The following MGAM variants were observed in gnomAD, a reference collection of about 807,000 sequenced individuals.
MGAM encodes alpha-1,4-glucosidase.
A neutral mutation model predicts 358.8 loss-of-function variants in MGAM; 253 were observed. That is an observed-to-expected ratio of 0.71 (90% CI 0.64 to 0.78). The LOEUF (loss-of-function observed/expected upper bound fraction) is 0.78, where lower values mean the gene tolerates loss of function less well. MGAM is among the 30% of genes least tolerant of loss of function. The pLI is 0.00. For synonymous variants in MGAM, 1,105 were observed against 1,227.1 expected, an observed-to-expected ratio of 0.90 and a Z score of 2.08; for missense variants, 3,080 against 3,432.6, an observed-to-expected ratio of 0.90 and a Z score of 2.57.
chr7:142,017,610 CTTTT>C (rs370181884), intron 3 of MGAM, among the ~76,000 whole-genome samples: 3 of 151,962 alleles, frequency 2.0e-5, no homozygotes, highest in African/African-American at 7.3e-5. Flanking sequence ...CTTTTCAACA[CTTTT>C]TTTTCTTTTT....
At chr7:142,035,794 A>T (rs1051662550) in intron 16 of MGAM, among the ~76,000 whole-genome samples, 7 of 152,294 alleles carry the variant, frequency 4.6e-5, no homozygotes, top group African/African-American at 1.7e-4. Context: ...GGTCAGACTT[A>T]GGCTTTAGAA....
At chr7:142,100,089 G>T (rs955520322) in intron 67 of MGAM, among the ~76,000 whole-genome samples, 2 of 152,132 alleles carry the variant, frequency 1.3e-5, no homozygotes, top group Non-Finnish European at 2.9e-5. Flanking sequence ...CTGAAAAATT[G>T]TTTATTCCTC....
rs1401524342 is a variant in MGAM, at chr7:142,076,231, A to T, written c.5304A>T (p.Leu1768Phe). ...CTGTGGCCAAGAAAGTATATCTTTT[A>T]TGTGAGTTTTCTGTCACTCAAGTGA... ...KDTVAKKVYL[L>F]CEFSVTQNHL... The change falls in exon 46 of 71, where the codon TTA becomes TTT. Residue 1768 changes from leucine to phenylalanine, a missense_variant. This residue lies in a region of MGAM where 932 missense variants were observed against 1,198.2 expected (regional missense o/e 0.78). Coordinates refer to ENST00000475668, the MANE Select transcript of MGAM (RefSeq NM_001365693.1). 6.5e-7 allele frequency: 1 copy of T among 1,546,998 alleles called. No homozygotes were observed. Among genetic ancestry groups the T allele is most frequent in the Non-Finnish European group, 8.9e-7 (1 of 1,126,994 alleles).
chr7:142,061,964 C>T (rs1179037774), intron 34 of MGAM, among the ~76,000 whole-genome samples: 1 of 152,080 alleles, frequency 6.6e-6, no homozygotes, highest in Non-Finnish European at 1.5e-5. Flanking sequence ...GGTAAAAACA[C>T]TGCTTTTATT....
chr7:142,083,168 A>T (rs1309432439), intron 52 of MGAM, 133 bp from the exon 53 acceptor site: 3 of 701,270 alleles, frequency 4.3e-6, no homozygotes, highest in Non-Finnish European at 6.9e-6. Flanking sequence ...GTTCTATGTG[A>T]TTATGATAGA....
chr7:142,039,208 T>G (rs930932455), intron 19 of MGAM, among the ~76,000 whole-genome samples: 5 of 149,832 alleles, frequency 3.3e-5, no homozygotes, highest in African/African-American at 9.9e-5. Flanking sequence ...TGGGTTCACA[T>G]GATTCTCCTG....
At chr7:142,097,690 A>G (rs1458130415) in intron 66 of MGAM, 41 bp downstream of exon 66, 2 of 1,559,294 alleles carry the variant, frequency 1.3e-6, no homozygotes, top group Admixed American at 1.7e-5. Context: ...GGAAAATGGT[A>G]GAGAGTACAA....
In MGAM at chr7:142,076,270, A is replaced by G; in HGVS notation, c.5325+18A>G. 6.6e-7 allele frequency: 1 copy of G among 1,518,122 alleles called. No individual in the cohort carries two copies. 94.0% of individuals were successfully genotyped at this position (1,518,122 alleles called of 1,614,324 possible). A position where few individuals can be genotyped will look rare whatever the true frequency, so the allele number is the denominator to read the frequency against. On this transcript the variant is annotated intron_variant, in intron 46 of 70. Transcript: ENST00000475668. ...TCACTCAAGTGAGTAGCATATTTTTATGAATCTTAGGTGTGGGCTTTGGAC... is the reference window on the plus strand; with the variant it reads ...TCACTCAAGTGAGTAGCATATTTTTGTGAATCTTAGGTGTGGGCTTTGGAC...
chr7:142,092,136 A>T lies in MGAM; in HGVS notation c.6945+89A>T, dbSNP rs1815445153. On this transcript the variant is annotated intron_variant, in intron 58 of 70. Coordinates refer to ENST00000475668, the MANE Select transcript of MGAM (RefSeq NM_001365693.1). ...GTACCACTGACCTTCAGTCAAGAGG[A>T]TAGTCATTGTCCAAGGAAGACTTTG... The T allele has an allele frequency of 6.2e-6, 9 of 1,457,972 alleles. 1 individual carries two copies. The highest frequency in any genetic ancestry group is 2.0e-4 in the Middle Eastern group (1 of 5,050). 90.3% of individuals were successfully genotyped at this position (1,457,972 alleles called of 1,614,324 possible). A position where few individuals can be genotyped will look rare whatever the true frequency, so the allele number is the denominator to read the frequency against.
chr7:142,060,381 G>C lies in MGAM; in HGVS notation c.4122+8G>C. On this transcript the variant is annotated splice_region_variant and intron_variant, in intron 34 of 70. Transcript: ENST00000475668. ...TGGGACAGCCAAGTGGAGGTAAAAGGGTGTTTGTAAATTTGGGTGGAGTCA... is the reference window on the plus strand; with the variant it reads ...TGGGACAGCCAAGTGGAGGTAAAAGCGTGTTTGTAAATTTGGGTGGAGTCA... The C allele has an allele frequency of 1.9e-6, 3 of 1,613,948 alleles. No homozygotes were observed. Among genetic ancestry groups the C allele is most frequent in the Non-Finnish European group, 2.5e-6 (3 of 1,179,804 alleles).
intron 30 of MGAM, among the ~76,000 whole-genome samples, chr7:142,057,588 T>C (rs1269301193): frequency 7.3e-6 from 1 of 137,176 alleles, no homozygotes; most frequent in African/African-American, 2.8e-5. Context: ...TGAAGGGTAA[T>C]GATAATGGTA....
At chr7:142,045,121 G>T (rs1476774276) in intron 21 of MGAM, among the ~76,000 whole-genome samples, 2 of 47,574 alleles carry the variant, frequency 4.2e-5, no homozygotes, top group Non-Finnish European at 8.5e-5. Context: ...TGCAATATAT[G>T]ATATATAATA....
At position 142,047,779 on chromosome 7, in the gene MGAM, C is replaced by A. The variant is rs755941985; in HGVS notation, c.2499-6C>A. On this transcript the variant is annotated splice_polypyrimidine_tract_variant and splice_region_variant and intron_variant, in intron 21 of 70. Coordinates refer to ENST00000475668, the MANE Select transcript of MGAM (RefSeq NM_001365693.1). Reference sequence around the variant, plus strand: ...GTCTTTGTGTCTTGAATCTTGTTCCCCACAGTCGAAAGAACCCTCTTGGTC... The same window carrying A: ...GTCTTTGTGTCTTGAATCTTGTTCCACACAGTCGAAAGAACCCTCTTGGTC... The A allele has an allele frequency of 4.3e-5, 70 of 1,610,214 alleles. No individual in the cohort carries two copies. The highest frequency in any genetic ancestry group is 5.9e-5 in the Non-Finnish European group (70 of 1,176,808).
At chr7:142,060,196 T>C in intron 33 of MGAM, 115 bp from the exon 34 acceptor site, 1 of 1,432,106 alleles carries the variant, frequency 7.0e-7, no homozygotes, top group South Asian at 1.2e-5. Flanking sequence ...CAATCCTATG[T>C]GATAGTCAAA....
chr7:142,093,370 G>A (rs758721573), intron 59 of MGAM, 42 bp from the exon 60 acceptor site: 1 of 1,512,120 alleles, frequency 6.6e-7, no homozygotes, highest in Admixed American at 1.9e-5. Context: ...GGGAGAAACA[G>A]AATCAGGGCT....
chr7:142,084,335 G>T (rs1174129285), intron 53 of MGAM, among the ~76,000 whole-genome samples, 184 bp from the exon 54 acceptor site: 1 of 145,964 alleles, frequency 6.9e-6, no homozygotes, highest in East Asian at 2.0e-4. Flanking sequence ...TTAAGAAGGA[G>T]CTCAAGTCTA....
At chr7:142,006,475 G>A (rs375173718) in intron 2 of MGAM, among the ~76,000 whole-genome samples, 152 of 152,190 alleles carry the variant, frequency 1.0e-3, no homozygotes, top group African/African-American at 3.5e-3. Context: ...AGTCAACAAG[G>A]AAAATGCCTT....
Position 142,054,763 on chromosome 7 carries a change from C to T in MGAM, c.3169C>T (p.Pro1057Ser), listed in dbSNP as rs780243925. 29 of 1,613,652 alleles carry T rather than the reference C, an allele frequency of 1.8e-5. No individual in the cohort carries two copies. In the Middle Eastern group the frequency reaches 1.2e-3, roughly 64 times the overall value. Residue 1057 changes from proline to serine, a missense_variant, in exon 27 of 71, where the codon CCC becomes TCC. Pro to Ser is a moderately conservative substitution (Grantham distance 74). Coordinates refer to ENST00000475668, the MANE Select transcript of MGAM (RefSeq NM_001365693.1). ...NEMLQFKIYD[P>S]NKNRYEVPVP... ...ATTTCCTCTGGCCTAGATTTATGAT[C>T]CCAACAAGAATCGGTATGAAGTTCC...
chr7:142,032,811 T>A lies in MGAM; in HGVS notation c.1585-14T>A. 2 of 1,580,800 alleles carry A rather than the reference T, an allele frequency of 1.3e-6. No individual in the cohort carries two copies. The highest frequency in any genetic ancestry group is 1.7e-6 in the Non-Finnish European group (2 of 1,155,530). On this transcript the variant is annotated splice_polypyrimidine_tract_variant and intron_variant, in intron 13 of 70. Coordinates refer to ENST00000475668, the MANE Select transcript of MGAM (RefSeq NM_001365693.1). ...GTTACTTTTTCTTAATAGTTTTTGC[T>A]CTTTGTCTTGTAGGATATGAATGAA...
Sources: gnomAD v4.1 joint callset for allele counts (sites outside exome capture counted in the v4.1 genomes callset) on GRCh38, gnomAD v4.1.1 for gene constraint, gnomAD v4.1.1 regional missense constraint, MANE v1.5 for transcripts, NCBI Gene and HGNC (gene_info 2026-07-23, HGNC 2026-07-21) for gene names.